Variants in PLD5 observed in about 807,000 individuals in gnomAD.
PLD5 encodes the protein phospholipase D family member 5.
PLD5 carries 36 observed loss-of-function variants against 61.1 expected under a neutral mutation model. The ratio of observed to expected loss-of-function variants is 0.59; its 90% confidence interval spans 0.45 to 0.78. The LOEUF (loss-of-function observed/expected upper bound fraction) is 0.78. PLD5 is among the 30% of genes least tolerant of loss of function. The pLI is 0.00. For missense variants in PLD5, 515 were observed against 644.4 expected, an observed-to-expected ratio of 0.80 and a Z score of 2.17; for synonymous variants, 243 against 242.8, an observed-to-expected ratio of 1.00 and a Z score of -0.01.
intron 2 of PLD5, among the ~76,000 whole-genome samples, chr1:242,341,423 A>G (rs1317344788): frequency 1.3e-5 from 2 of 152,190 alleles, no homozygotes; most frequent in Admixed American, 6.6e-5. Flanking sequence ...ATATAAATCT[A>G]GATGTCTGTA....
At chr1:242,353,132 T>A (rs1660567395) in intron 1 of PLD5, among the ~76,000 whole-genome samples, 2 of 152,318 alleles carry the variant, frequency 1.3e-5, no homozygotes, top group African/African-American at 4.8e-5. Context: ...ATGTAGCTCT[T>A]CCCCTGTTTT....
chr1:242,476,284 G>C lies in PLD5; in HGVS notation c.189+47804C>G, dbSNP rs1667593752. Among the ~76,000 whole-genome samples, 4 of 152,202 alleles carry C rather than the reference G, an allele frequency of 2.6e-5. No individual in the cohort carries two copies. In the South Asian group the frequency reaches 8.3e-4, roughly 32 times the overall value. ...ACAGGAGAATCACTTGGACCTGGGA[G>C]GCAGAGGCTGCAGTGAGCCGAGATT... On this transcript the variant is annotated intron_variant, in intron 1 of 9. Coordinates refer to ENST00000536534, the MANE Select transcript of PLD5 (RefSeq NM_001372062.1).
chr1:242,283,539 T>TA (rs909697838), intron 3 of PLD5, among the ~76,000 whole-genome samples: 1 of 152,148 alleles, frequency 6.6e-6, no homozygotes, highest in Non-Finnish European at 1.5e-5. Context: ...GTCCCCCAAC[T>TA]AAAAAAATAT....
intron 8 of PLD5, among the ~76,000 whole-genome samples, chr1:242,106,518 G>A (rs1299107412): frequency 6.6e-6 from 1 of 152,152 alleles, no homozygotes; most frequent in African/African-American, 2.4e-5. Flanking sequence ...ATGGTCATAA[G>A]CCTCCCTGGC....
intron 1 of PLD5, among the ~76,000 whole-genome samples, chr1:242,377,638 A>G (rs1349356370): frequency 6.6e-6 from 1 of 152,140 alleles, no homozygotes; most frequent in African/African-American, 2.4e-5. Context: ...CTCATGGGGG[A>G]AAAAAGCAGG....
chr1:242,246,468 T>C (rs1672362301), intron 4 of PLD5, among the ~76,000 whole-genome samples: 2 of 100,918 alleles, frequency 2.0e-5, no homozygotes, highest in South Asian at 6.8e-4. Flanking sequence ...TATACTTGCA[T>C]AGAAAAGACA....
At chr1:242,179,040 T>A (rs2148896659) in intron 5 of PLD5, among the ~76,000 whole-genome samples, 1 of 152,342 alleles carries the variant, frequency 6.6e-6, no homozygotes, top group East Asian at 1.9e-4. Context: ...TATATCCAGT[T>A]GTTCATCTAC....
intron 1 of PLD5, among the ~76,000 whole-genome samples, chr1:242,492,616 GCAAAGCAACCTA>G (rs1314368700): frequency 6.6e-6 from 1 of 151,844 alleles, no homozygotes; most frequent in Non-Finnish European, 1.5e-5. Context: ...TGAAAAATTT[GCAAAGCAACCTA>G]CATGGTTTAC....
intron 2 of PLD5, among the ~76,000 whole-genome samples, chr1:242,332,694 C>T (rs1309780635): frequency 6.6e-6 from 1 of 152,144 alleles, no homozygotes; most frequent in East Asian, 1.9e-4. Flanking sequence ...TCACAAAGAG[C>T]TTTTACATCA....
intron 1 of PLD5, among the ~76,000 whole-genome samples, chr1:242,465,292 A>T (rs984852531): frequency 6.6e-6 from 1 of 152,194 alleles, no homozygotes; most frequent in South Asian, 2.1e-4. Flanking sequence ...TCACCTGCAC[A>T]CTATTACCAG....
At chr1:242,367,405 G>C (rs1661403739) in intron 1 of PLD5, among the ~76,000 whole-genome samples, 1 of 152,132 alleles carries the variant, frequency 6.6e-6, no homozygotes, top group Non-Finnish European at 1.5e-5. Flanking sequence ...ATATGGAGCT[G>C]ATGGGCCAGT....
At chr1:242,411,552 G>A (rs1445675090) in intron 1 of PLD5, among the ~76,000 whole-genome samples, 1 of 152,296 alleles carries the variant, frequency 6.6e-6, no homozygotes, top group East Asian at 1.9e-4. Flanking sequence ...TTAACTTTCA[G>A]CATTGTGCTT....
At chr1:242,128,928 G>A (rs937561661) in intron 5 of PLD5, among the ~76,000 whole-genome samples, 3 of 152,110 alleles carry the variant, frequency 2.0e-5, no homozygotes, top group South Asian at 2.1e-4. Context: ...GGCTCAAACC[G>A]CATTAGCTAA....
intron 1 of PLD5, among the ~76,000 whole-genome samples, chr1:242,503,051 C>T (rs1415673335): frequency 1.3e-5 from 2 of 152,110 alleles, no homozygotes; most frequent in African/African-American, 2.4e-5. Context: ...CAGAGCAAGA[C>T]TCCGTCTCAA....
chr1:242,465,042 T>C (rs1273272122), intron 1 of PLD5, among the ~76,000 whole-genome samples: 1 of 152,198 alleles, frequency 6.6e-6, no homozygotes, highest in Non-Finnish European at 1.5e-5. Context: ...AGTTTCCTTA[T>C]GGGGTGACAA....
chr1:242,471,962 T>C (rs1667460297), intron 1 of PLD5, among the ~76,000 whole-genome samples: 1 of 152,216 alleles, frequency 6.6e-6, no homozygotes, highest in Non-Finnish European at 1.5e-5. Context: ...TTGACTAAGC[T>C]GCTTCCACAG....
chr1:242,265,945 T>C (rs905848599), intron 3 of PLD5, among the ~76,000 whole-genome samples: 5 of 152,256 alleles, frequency 3.3e-5, no homozygotes, highest in African/African-American at 1.2e-4. Flanking sequence ...TAAGCATTCT[T>C]TAAGAATTAG....
chr1:242,463,326 T>C (rs974541542), intron 1 of PLD5, among the ~76,000 whole-genome samples: 12 of 152,230 alleles, frequency 7.9e-5, no homozygotes, highest in African/African-American at 2.7e-4. Flanking sequence ...TTGCTTGTCA[T>C]CCAGCCTTCA....
intron 1 of PLD5, among the ~76,000 whole-genome samples, chr1:242,477,727 G>A (rs993674093): frequency 1.3e-5 from 2 of 152,174 alleles, no homozygotes; most frequent in African/African-American, 4.8e-5. Context: ...GTGAGCCAAG[G>A]ATCAGGGCAT....
Sources: gnomAD v4.1 joint callset for allele counts (sites outside exome capture counted in the v4.1 genomes callset) on GRCh38, gnomAD v4.1.1 for gene constraint, MANE v1.5 for transcripts, NCBI Gene and HGNC (gene_info 2026-07-23, HGNC 2026-07-21) for gene names.